Variants in GARNL3 observed in about 807,000 individuals in gnomAD.
GARNL3 encodes GTPase-activating Rap/Ran-GAP domain-like protein 3.
A neutral mutation model predicts 125.0 loss-of-function variants in GARNL3; 63 were observed. That is an observed-to-expected ratio of 0.50 (90% CI 0.41 to 0.62). The LOEUF (loss-of-function observed/expected upper bound fraction) is 0.62, where lower values mean the gene tolerates loss of function less well. Ranked by LOEUF, GARNL3 falls within the 20% of genes least tolerant of loss-of-function variation. The pLI, the probability that GARNL3 is intolerant of heterozygous loss-of-function variation, is 0.00. For missense variants in GARNL3, 994 were observed against 1,244.0 expected (o/e 0.80, Z 3.02); for synonymous variants, 439 against 457.5 (o/e 0.96, Z 0.52).
rs1255100301 is a variant in GARNL3, at chr9:127,384,752, C to G, written c.2270-275C>G. Among the ~76,000 whole-genome samples the G allele has an allele frequency of 6.6e-6, 1 of 152,202 alleles. No homozygotes were observed. The highest frequency in any genetic ancestry group is 2.4e-5 in the African/African-American group (1 of 41,458). Reference sequence around the variant, plus strand: ...CAAGTGAGCTGCCTCGCTGGAAGATCAGGCAGTGGGGTTTCCATGGGGGAA... The same window carrying G: ...CAAGTGAGCTGCCTCGCTGGAAGATGAGGCAGTGGGGTTTCCATGGGGGAA... On this transcript the variant is annotated intron_variant, in intron 23 of 27. Transcript: ENST00000373387. This position sits in a 1 kb window ranked among gnomAD's most constrained non-coding sequence, Gnocchi z 4.0.
Position 127,335,346 on chromosome 9 carries a change from A to G in GARNL3, c.873+13A>G. 6.4e-7 allele frequency: 1 copy of G among 1,554,170 alleles called. No individual in the cohort carries two copies. Among genetic ancestry groups the G allele is most frequent in the South Asian group, 1.1e-5 (1 of 89,874 alleles). ...GAACAAACAGCAGGTACATGTGAAC[A>G]TACAAACCATCAAATAGTGATGTGA... On this transcript the variant is annotated intron_variant, in intron 10 of 27. Transcript: ENST00000373387.
chr9:127,282,606 GA>G, intron 1 of GARNL3, among the ~76,000 whole-genome samples: 1 of 152,290 alleles, frequency 6.6e-6, no homozygotes, highest in East Asian at 1.9e-4. Context: ...TCATTTTAAA[GA>G]AAGGGGATCT....
intron 1 of GARNL3, among the ~76,000 whole-genome samples, chr9:127,229,051 T>C (rs2062959590): frequency 6.6e-6 from 1 of 152,198 alleles, no homozygotes. Flanking sequence ...CTCAAACTCC[T>C]GACCTCAAGT....
At chr9:127,303,594 T>C (rs1205946754) in intron 2 of GARNL3, among the ~76,000 whole-genome samples, 1 of 152,258 alleles carries the variant, frequency 6.6e-6, no homozygotes, top group East Asian at 1.9e-4. Flanking sequence ...CTCAGCAGTT[T>C]AACCTAGGAA....
At chr9:127,359,554 A>G (rs754124643) in intron 21 of GARNL3, among the ~76,000 whole-genome samples, 5 of 152,202 alleles carry the variant, frequency 3.3e-5, no homozygotes, top group Non-Finnish European at 7.3e-5. Flanking sequence ...CAAACAAAGC[A>G]GAAATGCCAT....
rs749242010 is a variant in GARNL3 at position 127,353,902 on chromosome 9, G to A, written c.1600G>A (p.Val534Met). ...AACTCTGCCAGTGAAGCAAATGCAT[G>A]TGCTTGAGACCCTGGACCTTCTGGT... is the stretch of plus-strand genomic sequence containing the variant. ...DRTLPVKQMH[V>M]LETLDLLVLR... The change falls in exon 18 of 28, where the codon GTG (valine) becomes ATG (methionine). Residue 534 changes from valine to methionine, a missense_variant. Transcript: ENST00000373387. 121 of 1,613,580 alleles carry A rather than the reference G, an allele frequency of 7.5e-5. No individual in the cohort carries two copies. Among genetic ancestry groups the A allele is most frequent in the Non-Finnish European group, 1.0e-4 (119 of 1,179,604 alleles).
chr9:127,330,353 G>C (rs1267638995), intron 7 of GARNL3, among the ~76,000 whole-genome samples: 3 of 152,188 alleles, frequency 2.0e-5, no homozygotes, highest in Non-Finnish European at 4.4e-5. Context: ...GAGGTCCCTG[G>C]AAACATTCTA....
chr9:127,284,802 C>A (rs1286833529), intron 1 of GARNL3, among the ~76,000 whole-genome samples: 1 of 142,786 alleles, frequency 7.0e-6, no homozygotes, highest in Admixed American at 7.1e-5. Flanking sequence ...TATATAAATT[C>A]TTGAGTCAAA....
intron 24 of GARNL3, among the ~76,000 whole-genome samples, chr9:127,386,486 G>C (rs1355890731): frequency 6.6e-6 from 1 of 152,172 alleles, no homozygotes; most frequent in Non-Finnish European, 1.5e-5. Context: ...GTGGTGCTGG[G>C]GAGACGTGCA....
At chr9:127,225,460 G>A in intron 1 of GARNL3, 2 of 701,416 alleles carry the variant, frequency 2.9e-6, no homozygotes, top group African/African-American at 1.9e-5. Context: ...TGGGGGGATG[G>A]CGATGTGAAG....
intron 9 of GARNL3, among the ~76,000 whole-genome samples, chr9:127,333,917 G>T (rs999277179): frequency 6.6e-6 from 1 of 151,526 alleles, no homozygotes; most frequent in African/African-American, 2.4e-5. Context: ...TGAGCAGACA[G>T]GGGAGGCAGA....
chr9:127,348,798 G>A, intron 16 of GARNL3, 126 bp from the exon 17 acceptor site: 1 of 606,802 alleles, frequency 1.6e-6, no homozygotes, highest in Non-Finnish European at 2.8e-6. Flanking sequence ...AGGGTTTGGA[G>A]TGACTCCGCT....
intron 11 of GARNL3, among the ~76,000 whole-genome samples, chr9:127,337,326 G>A (rs1829610621): frequency 6.6e-6 from 1 of 152,130 alleles, no homozygotes; most frequent in Non-Finnish European, 1.5e-5. Context: ...TGATTGAGAG[G>A]TAGTCATTAT....
chr9:127,306,650 C>T (rs1425411717), intron 2 of GARNL3, among the ~76,000 whole-genome samples: 1 of 151,866 alleles, frequency 6.6e-6, no homozygotes. Flanking sequence ...TGGCGTGAAC[C>T]CGGGAGGTGG....
At chr9:127,298,518 A>G (rs536260475) in intron 2 of GARNL3, among the ~76,000 whole-genome samples, 4 of 152,196 alleles carry the variant, frequency 2.6e-5, no homozygotes, top group East Asian at 1.9e-4. Flanking sequence ...TTTTAACTCT[A>G]TGCATAATAC....
intron 1 of GARNL3, among the ~76,000 whole-genome samples, chr9:127,231,643 A>G (rs2063021476): frequency 6.6e-6 from 1 of 152,196 alleles, no homozygotes; most frequent in Admixed American, 6.5e-5. Context: ...CTGCTCAGAC[A>G]TTGCTTCTCA....
chr9:127,301,558 C>T (rs1025314783), intron 2 of GARNL3, among the ~76,000 whole-genome samples: 1 of 152,210 alleles, frequency 6.6e-6, no homozygotes, highest in Non-Finnish European at 1.5e-5. Context: ...CTTCCTTATA[C>T]CATCTGAGCT....
Position 127,350,249 on chromosome 9 carries a change from A to G in GARNL3, c.1543+1214A>G, listed in dbSNP as rs1830354856. 5.3e-5 allele frequency among the ~76,000 whole-genome samples: 8 copies of G among 152,330 alleles called. No individual in the cohort carries two copies. The South Asian group carries it at 1.5e-3, about 28-fold the overall frequency. On this transcript the variant is annotated intron_variant, in intron 17 of 27. Coordinates refer to ENST00000373387, the MANE Select transcript of GARNL3 (RefSeq NM_032293.5). ...AACTGTGATCTGAAAGAAAACCTCTATGAGCCTCGAGTTTCTCTAAATTGG... is the reference window on the plus strand; with the variant it reads ...AACTGTGATCTGAAAGAAAACCTCTGTGAGCCTCGAGTTTCTCTAAATTGG...
At chr9:127,344,165 C>T (rs147790683) in intron 14 of GARNL3, 70 bp from the exon 15 acceptor site, 3 of 1,011,206 alleles carry the variant, frequency 3.0e-6, no homozygotes, top group Non-Finnish European at 4.6e-6. Context: ...TAGTTTTGTG[C>T]ACTATGAGAA....
Sources: allele counts gnomAD v4.1 joint callset (sites outside exome capture counted in the v4.1 genomes callset), GRCh38; gene constraint gnomAD v4.1.1; non-coding constraint Gnocchi (gnomAD v3.1); transcripts MANE v1.5; gene names NCBI Gene and HGNC (gene_info 2026-07-23, HGNC 2026-07-21).